Variants in DUT observed in about 807,000 individuals in gnomAD.
DUT encodes the protein deoxyuridine 5'-triphosphate nucleotidohydrolase, mitochondrial.
Under a neutral mutation model 28.8 loss-of-function variants are expected in DUT, and 21 were observed. The observed-to-expected ratio is 0.73, with a 90% CI of 0.52 to 1.05. The LOEUF (loss-of-function observed/expected upper bound fraction) is 1.05. DUT is among the 50% of genes least tolerant of loss of function. The pLI, the probability that DUT is intolerant of heterozygous loss-of-function variation, is 0.00. For synonymous variants in DUT, 147 were observed against 143.7 expected (o/e 1.02, Z -0.17); for missense variants, 344 against 351.8 (o/e 0.98, Z 0.18).
intron 4 of DUT, among the ~76,000 whole-genome samples, chr15:48,338,680 AT>A (rs2042499643): frequency 6.6e-6 from 1 of 152,216 alleles, no homozygotes; most frequent in African/African-American, 2.4e-5. Flanking sequence ...ATTCTCAAAT[AT>A]TGCTGATGGA....
chr15:48,337,252 T>C lies in DUT; in HGVS notation c.556+1162T>C, dbSNP rs77930612. ...AGGATTCCTTGGGCTCTGTAAGTTA[T>C]GCCCGATGTTCAAAAATGCTTTTAC... On this transcript the variant is annotated intron_variant, in intron 4 of 6. Transcript: ENST00000331200. Among the ~76,000 whole-genome samples, 332 of 152,326 alleles carry C rather than the reference T, an allele frequency of 2.2e-3. 1 individual carries two copies. Among genetic ancestry groups the C allele is most frequent in the African/African-American group, 7.6e-3 (318 of 41,578 alleles).
At chr15:48,335,091 AGG>A (rs1389736694) in intron 3 of DUT, among the ~76,000 whole-genome samples, 1 of 152,226 alleles carries the variant, frequency 6.6e-6, no homozygotes. Context: ...GCCATGAGTG[AGG>A]AAACTGCCAG....
upstream of DUT, chr15:48,331,168 T>C (rs970069203): frequency 5.3e-5 from 75 of 1,426,392 alleles, no homozygotes; most frequent in Non-Finnish European, 6.2e-5. Flanking sequence ...CCGGGAGTCA[T>C]GGCTGCGGGC....
upstream of DUT, chr15:48,331,271 A>C (rs1453508602): frequency 1.4e-6 from 2 of 1,456,988 alleles, no homozygotes; most frequent in African/African-American, 2.9e-5. Flanking sequence ...AGAAGAGCGA[A>C]AGCAAGAGGG....
At chr15:48,341,657 GAATTT>G in intron 6 of DUT, 72 bp downstream of exon 6, 1 of 1,256,250 alleles carries the variant, frequency 8.0e-7, no homozygotes, top group Non-Finnish European at 1.1e-6. Flanking sequence ...ATAATCTTGA[GAATTT>G]AATATGCTGT....
chr15:48,334,208 C>T (rs2042450248), intron 2 of DUT, among the ~76,000 whole-genome samples: 1 of 152,094 alleles, frequency 6.6e-6, no homozygotes, highest in South Asian at 2.1e-4. Context: ...CTAAAGCTGT[C>T]TTTTTAATAA....
intron 5 of DUT, 75 bp from the exon 6 acceptor site, chr15:48,341,440 T>C: frequency 6.4e-7 from 1 of 1,550,900 alleles, no homozygotes; most frequent in Non-Finnish European, 8.9e-7. Flanking sequence ...ATTGACTCCT[T>C]TAATTCTCAT....
upstream of DUT, chr15:48,331,413 C>A (rs553814657): frequency 1.1e-5 from 16 of 1,520,288 alleles, no homozygotes; most frequent in Admixed American, 3.4e-4. Flanking sequence ...GCGGCTGCGA[C>A]TGCTTCCGAG....
intron 4 of DUT, among the ~76,000 whole-genome samples, chr15:48,336,991 G>A (rs754552195): frequency 1.3e-5 from 2 of 152,092 alleles, no homozygotes; most frequent in East Asian, 1.9e-4. Context: ...AACTAAACAC[G>A]TCCAGAATTA....
At chr15:48,332,521 C>T in intron 2 of DUT, 115 bp downstream of exon 2, 2 of 1,003,654 alleles carry the variant, frequency 2.0e-6, no homozygotes, top group Non-Finnish European at 2.9e-6. Context: ...AGGATTTCTG[C>T]CTTTTTCGTG....
upstream of DUT, chr15:48,331,423 G>A (rs911847035): frequency 7.0e-5 from 109 of 1,550,180 alleles, no homozygotes; most frequent in Non-Finnish European, 7.8e-5. Flanking sequence ...CTGCTTCCGA[G>A]GTCATGTTCC....
In DUT at chr15:48,334,527, A is replaced by G. The variant is rs779092209; in HGVS notation, c.511+19A>G. 1.3e-6 allele frequency: 2 copies of G among 1,549,766 alleles called. No homozygotes were observed. Among genetic ancestry groups the G allele is most frequent in the South Asian group, 2.3e-5 (2 of 87,368 alleles). ...AGAGTGGGTAAGTCATTTAAGAAAC[A>G]GGTAACTATTTGTCAAGTTCTCCTT... On this transcript the variant is annotated intron_variant, in intron 3 of 6. Transcript: ENST00000331200.
Position 48,336,072 on chromosome 15 carries a change from C to T in DUT, c.538C>T (p.His180Tyr). The change falls in exon 4 of 7, where the codon CAC (histidine) becomes TAC (tyrosine). Residue 180 changes from histidine (H) to tyrosine (Y), a missense_variant. His to Tyr is a moderately conservative substitution (Grantham distance 83). Coordinates refer to ENST00000331200, the MANE Select transcript of DUT (RefSeq NM_001025248.2). The stretch of plus-strand genomic sequence containing the variant: ...TCCACGGTCAGGCTTGGCTGCAAAA[C>T]ACTTTATTGATGTAGGAGGTAATAT... ...VAPRSGLAAK[H>Y]FIDVGAGVID... 2 of 1,603,528 alleles carry T rather than the reference C, an allele frequency of 1.2e-6. No individual in the cohort carries two copies. The highest frequency in any genetic ancestry group is 1.3e-5 in the African/African-American group (1 of 74,358).
At chr15:48,331,280 G>A (rs2042403210), upstream of DUT, 3 of 1,453,784 alleles carry the variant, frequency 2.1e-6, no homozygotes, top group Non-Finnish European at 2.7e-6. Flanking sequence ...AAAGCAAGAG[G>A]GCTAGGCAGC....
chr15:48,337,980 A>G (rs561479140), intron 4 of DUT, among the ~76,000 whole-genome samples: 2 of 152,274 alleles, frequency 1.3e-5, no homozygotes, highest in South Asian at 4.1e-4. Context: ...TGACACAGTA[A>G]AACTTTTGCC....
chr15:48,334,082 T>C (rs1046865197), intron 2 of DUT, among the ~76,000 whole-genome samples: 7 of 152,242 alleles, frequency 4.6e-5, no homozygotes, highest in Non-Finnish European at 1.0e-4. Context: ...TTTGCCTTTC[T>C]GCCCTTTCAC....
chr15:48,337,861 G>A (rs2042491368), intron 4 of DUT, among the ~76,000 whole-genome samples: 1 of 152,106 alleles, frequency 6.6e-6, no homozygotes, highest in Non-Finnish European at 1.5e-5. Flanking sequence ...TCTAAATAAG[G>A]GTCAAAGGGA....
chr15:48,332,945 GTA>G (rs1194579321), intron 2 of DUT, among the ~76,000 whole-genome samples: 1 of 152,142 alleles, frequency 6.6e-6, no homozygotes, highest in African/African-American at 2.4e-5. Context: ...GTATGCTGTT[GTA>G]TTTAGTCCTC....
chr15:48,332,110 A>T (rs1248789175), intron 1 of DUT, 158 bp from the exon 2 acceptor site: 1 of 1,380,210 alleles, frequency 7.2e-7, no homozygotes, highest in Non-Finnish European at 9.4e-7. Context: ...CTCAGCCAGA[A>T]CTGTGGACTC....
Sources: gnomAD v4.1 joint callset for allele counts (sites outside exome capture counted in the v4.1 genomes callset) on GRCh38, gnomAD v4.1.1 for gene constraint, MANE v1.5 for transcripts, NCBI Gene and HGNC (gene_info 2026-07-23, HGNC 2026-07-21) for gene names.